The following TENM3 variants were observed in gnomAD, a reference collection of about 807,000 sequenced individuals.
TENM3 encodes teneurin transmembrane protein 3, also known as teneurin-3.
In TENM3, 63 loss-of-function variants were observed where a neutral mutation model predicts 255.1. The ratio of observed to expected loss-of-function variants is 0.25; its 90% CI spans 0.20 to 0.30. The LOEUF (loss-of-function observed/expected upper bound fraction) is 0.30, where lower values mean the gene tolerates loss of function less well. Among genes scored for constraint, TENM3 ranks in the 10% least tolerant of loss-of-function variants. The pLI, the probability that TENM3 is intolerant of heterozygous loss-of-function variation, is 1.00. For missense variants in TENM3, 2,929 were observed against 3,461.1 expected, an observed-to-expected ratio of 0.85 and a Z score of 3.86; for synonymous variants, 1,306 against 1,322.3, an observed-to-expected ratio of 0.99 and a Z score of 0.27.
At chr4:181,641,804 CCATAT>C in the TENM3 span, among the ~76,000 whole-genome samples, 1 of 37,410 alleles carries the variant, frequency 2.7e-5, no homozygotes, top group Non-Finnish European at 4.6e-5. Context: ...TACACACACA[CCATAT>C]ATATATATAT....
At chr4:182,300,683 C>A (rs1761799462) in intron 1 of TENM3, among the ~76,000 whole-genome samples, 4 of 152,198 alleles carry the variant, frequency 2.6e-5, no homozygotes, top group African/African-American at 7.2e-5. Flanking sequence ...CTGTAGAATT[C>A]TCTAGCTCGT....
chr4:182,112,823 C>G, the TENM3 span, among the ~76,000 whole-genome samples: 8 of 152,116 alleles, frequency 5.3e-5, no homozygotes, highest in South Asian at 2.1e-4. Flanking sequence ...AGTTTCAGCT[C>G]GATATTGATT....
chr4:182,333,906 AGTAT>A (rs1763934070), intron 2 of TENM3, among the ~76,000 whole-genome samples: 1 of 137,142 alleles, frequency 7.3e-6, no homozygotes, highest in Non-Finnish European at 1.6e-5. Flanking sequence ...TAGATCATAT[AGTAT>A]AACGGTTGAG....
the TENM3 span, among the ~76,000 whole-genome samples, chr4:181,669,611 G>A: frequency 6.6e-6 from 1 of 152,196 alleles, no homozygotes; most frequent in African/African-American, 2.4e-5. Flanking sequence ...ATTCTGACTT[G>A]AGAATCACTT....
the TENM3 span, among the ~76,000 whole-genome samples, chr4:181,537,101 T>C: frequency 6.6e-6 from 1 of 152,156 alleles, no homozygotes; most frequent in African/African-American, 2.4e-5. Context: ...TTCAAAGTAC[T>C]TTATAAACCT....
intron 3 of TENM3, among the ~76,000 whole-genome samples, chr4:182,364,390 A>G (rs769642165): frequency 4.1e-4 from 62 of 152,068 alleles, no homozygotes; most frequent in Admixed American, 3.3e-4. Context: ...TAAACATTGC[A>G]ACTTCAGTTG....
Position 182,161,893 on chromosome 4 carries a change from A to ATG in TENM3, c.-76+17143_-76+17144dup, listed in dbSNP as rs1561154217. On this transcript the variant is annotated intron_variant, in intron 1 of 2. Coordinates refer to the TENM3 transcript ENST00000512480. ...TATGTGTATATATATACACACATAT[A>ATG]TGTGTATATATACACACACATGTAT... is the stretch of plus-strand genomic sequence containing the variant. 8.1e-4 allele frequency among the ~76,000 whole-genome samples: 44 copies of ATG among 54,058 alleles called. 4 individuals are homozygous for ATG. The highest frequency in any genetic ancestry group is 1.1e-3 in the African/African-American group (19 of 17,532). 35.5% of individuals were successfully genotyped at this position (54,058 alleles called of 152,430 possible).
chr4:182,556,339 A>G (rs536752349), intron 3 of TENM3, among the ~76,000 whole-genome samples: 1 of 152,364 alleles, frequency 6.6e-6, no homozygotes, highest in East Asian at 1.9e-4. Context: ...TGTGCATTTC[A>G]GAGACAAGTC....
chr4:182,224,504 A>C (rs2149979689), intron 1 of TENM3, among the ~76,000 whole-genome samples: 1 of 152,318 alleles, frequency 6.6e-6, no homozygotes, highest in African/African-American at 2.4e-5. Flanking sequence ...TTTTACAGAA[A>C]TCTTTCTTAA....
intron 12 of TENM3, among the ~76,000 whole-genome samples, chr4:182,690,435 C>T (rs1756925389): frequency 6.6e-6 from 1 of 152,162 alleles, no homozygotes; most frequent in South Asian, 2.1e-4. Context: ...CTCCATGCCC[C>T]AGGTCCCAGA....
chr4:182,802,041 G>A lies in TENM3; in HGVS notation c.*1690G>A, dbSNP rs557535225. 6.5e-6 allele frequency: 1 copy of A among 152,706 alleles called. No individual in the cohort carries two copies. The highest frequency in any genetic ancestry group is 1.5e-5 in the Non-Finnish European group (1 of 68,024). The allele number at this position is 152,706 out of a possible 1,614,324, so 9.5% of individuals were successfully genotyped here. A position where few individuals can be genotyped will look rare whatever the true frequency, so the allele number is the denominator to read the frequency against. ...AAGTGAACATGTCGTAAATATAAAG[G>A]TTCAAGTGATGTATTGAAAATAATT... On this transcript the variant is annotated 3_prime_UTR_variant, in exon 28 of 28. Transcript: ENST00000511685.
chr4:182,489,933 C>T (rs1484549581), intron 3 of TENM3, among the ~76,000 whole-genome samples: 1 of 151,392 alleles, frequency 6.6e-6, no homozygotes, highest in East Asian at 2.0e-4. Context: ...ATAGAAATAA[C>T]AGTCTACTAG....
chr4:182,738,825 G>C (rs1761380392), intron 18 of TENM3, among the ~76,000 whole-genome samples: 1 of 152,146 alleles, frequency 6.6e-6, no homozygotes, highest in Non-Finnish European at 1.5e-5. Context: ...TGTTGTAATG[G>C]AAGATCTCTG....
the TENM3 span, among the ~76,000 whole-genome samples, chr4:181,931,422 C>A: frequency 6.6e-6 from 1 of 152,232 alleles, no homozygotes; most frequent in South Asian, 2.1e-4. Context: ...ACAATTCCTA[C>A]AAAGAGAGTA....
chr4:182,435,129 T>C (rs1771950016), intron 3 of TENM3, among the ~76,000 whole-genome samples: 1 of 152,194 alleles, frequency 6.6e-6, no homozygotes, highest in African/African-American at 2.4e-5. Context: ...CTGTCCGTTC[T>C]GGGGGTGAGG....
chr4:182,795,209 C>G (rs916205073), intron 26 of TENM3, among the ~76,000 whole-genome samples: 20 of 152,150 alleles, frequency 1.3e-4, no homozygotes, highest in African/African-American at 4.6e-4. Context: ...GATTCAGCAG[C>G]ACCCTTATTC....
chr4:182,647,403 A>ATC (rs1752851147), intron 5 of TENM3, among the ~76,000 whole-genome samples: 1 of 152,236 alleles, frequency 6.6e-6, no homozygotes, highest in Non-Finnish European at 1.5e-5. Flanking sequence ...AACCCTGGTC[A>ATC]TCACCATTCT....
At chr4:182,024,465 G>T in the TENM3 span, among the ~76,000 whole-genome samples, 3 of 151,026 alleles carry the variant, frequency 2.0e-5, no homozygotes, top group African/African-American at 7.4e-5. Context: ...TTTATAATCT[G>T]TATTTTTTAA....
intron 3 of TENM3, among the ~76,000 whole-genome samples, chr4:182,423,322 A>G (rs1167758220): frequency 6.6e-6 from 1 of 152,170 alleles, no homozygotes; most frequent in Non-Finnish European, 1.5e-5. Context: ...CACGTCTTTA[A>G]AATTCTTTTT....
Sources: allele counts gnomAD v4.1 joint callset (sites outside exome capture counted in the v4.1 genomes callset), GRCh38; gene constraint gnomAD v4.1.1; transcripts MANE v1.5; gene names NCBI Gene and HGNC (gene_info 2026-07-23, HGNC 2026-07-21).